ZNF831: variants seen among roughly 807,000 people sequenced by gnomAD.
ZNF831 encodes chromosome 20 open reading frame 174.
A neutral mutation model predicts 95.8 loss-of-function variants in ZNF831; 59 were observed. The observed-to-expected ratio is 0.62, with a 90% CI of 0.50 to 0.77. ZNF831 has a LOEUF of 0.77. Among genes scored for constraint, ZNF831 ranks in the 30% least tolerant of loss-of-function variants. ZNF831 has a pLI of 0.00. For synonymous variants in ZNF831, 961 were observed against 925.5 expected (o/e 1.04, Z -0.70); for missense variants, 2,205 against 2,164.0 (o/e 1.02, Z -0.38).
intron 4 of ZNF831, among the ~76,000 whole-genome samples, chr20:59,215,501 G>A (rs1985618887): frequency 6.6e-6 from 1 of 152,250 alleles, no homozygotes; most frequent in African/African-American, 2.4e-5. Context: ...ACTAAACTCA[G>A]GAGGCACTTT....
intron 4 of ZNF831, among the ~76,000 whole-genome samples, chr20:59,249,617 A>G (rs1420433696): frequency 1.3e-5 from 2 of 152,134 alleles, no homozygotes; most frequent in African/African-American, 4.8e-5. Flanking sequence ...GTGCCATTAG[A>G]TTACCTGAGT....
intron 2 of ZNF831, among the ~76,000 whole-genome samples, chr20:59,156,362 C>T (rs1361237500): frequency 6.6e-6 from 1 of 151,972 alleles, no homozygotes; most frequent in Non-Finnish European, 1.5e-5. Flanking sequence ...CTTGTCTCTA[C>T]TAAAATAGAA....
In ZNF831 at chr20:59,223,383, A is replaced by G. The variant is rs992258213; in HGVS notation, c.4027+16327A>G. Among the ~76,000 whole-genome samples the G allele has an allele frequency of 6.6e-5, 10 of 152,308 alleles. No individual in the cohort carries two copies. In the South Asian group the frequency reaches 8.3e-4, roughly 13 times the overall value. On this transcript the variant is annotated intron_variant, in intron 4 of 5. Transcript: ENST00000371030. ...TCCTTCCTCTCCAGCTTGCAGACAC[A>G]CTGGTTCTCTTTCAGAACTAGCCAT...
At chr20:59,129,528 C>G (rs1979283468) in intron 1 of ZNF831, among the ~76,000 whole-genome samples, 2 of 152,138 alleles carry the variant, frequency 1.3e-5, no homozygotes, top group Non-Finnish European at 2.9e-5. Flanking sequence ...GAGGCTGAGG[C>G]AGGAGAATTG....
In ZNF831 at chr20:59,233,725, A is replaced by G. The variant is rs189826509; in HGVS notation, c.4028-19253A>G. Among the ~76,000 whole-genome samples the G allele has an allele frequency of 2.1e-3, 325 of 152,290 alleles. 1 individual carries two copies. The highest frequency in any genetic ancestry group is 7.5e-3 in the African/African-American group (310 of 41,558). On this transcript the variant is annotated intron_variant, in intron 4 of 5. Coordinates refer to ENST00000371030, the MANE Select transcript of ZNF831 (RefSeq NM_178457.3). ...TGAAAGTTTTATTTTTCAGACCTAC[A>G]TCACTCCTCTGCTTTATCCCAAACA...
intron 4 of ZNF831, among the ~76,000 whole-genome samples, chr20:59,216,898 T>C (rs1157221825): frequency 6.6e-6 from 1 of 151,822 alleles, no homozygotes; most frequent in Non-Finnish European, 1.5e-5. Flanking sequence ...AGAGTGGGTA[T>C]GAGGTGACTG....
intron 4 of ZNF831, among the ~76,000 whole-genome samples, chr20:59,225,170 G>A (rs1986350485): frequency 6.6e-6 from 1 of 151,940 alleles, no homozygotes; most frequent in Non-Finnish European, 1.5e-5. Flanking sequence ...ACATTTTTTG[G>A]TCAATTTTAA....
chr20:59,148,278 A>AG (rs771005186), intron 2 of ZNF831, among the ~76,000 whole-genome samples: 1 of 152,036 alleles, frequency 6.6e-6, no homozygotes, highest in Non-Finnish European at 1.5e-5. Context: ...CTCTCTGTTG[A>AG]GGGGGGATAT....
intron 2 of ZNF831, chr20:59,195,666 G>A (rs542775975): frequency 1.6e-6 from 1 of 633,118 alleles, no homozygotes; most frequent in South Asian, 7.0e-5. Context: ...ATCAAGCCCA[G>A]GCGGGGTTTC....
At chr20:59,172,459 T>C (rs939223537) in intron 1 of ZNF831, among the ~76,000 whole-genome samples, 1 of 152,188 alleles carries the variant, frequency 6.6e-6, no homozygotes, top group African/African-American at 2.4e-5. Flanking sequence ...TTTTCGGGGA[T>C]GCGGATGCTC....
intron 2 of ZNF831, among the ~76,000 whole-genome samples, chr20:59,155,941 A>C (rs544700264): frequency 6.6e-6 from 1 of 152,128 alleles, no homozygotes; most frequent in East Asian, 1.9e-4. Context: ...GCTCCCCCTC[A>C]TGCTCAACCG....
chr20:59,184,587 G>C (rs1982864706), intron 1 of ZNF831, among the ~76,000 whole-genome samples: 1 of 152,210 alleles, frequency 6.6e-6, no homozygotes, highest in African/African-American at 2.4e-5. Context: ...GAGTAACAGC[G>C]TAAGTGGTCC....
rs777734010 is a variant in ZNF831 at position 59,255,971 on chromosome 20, G to C, written c.*1228G>C. ...CCTTCCTCTCCCTCTCCTTCCACGG[G>C]AGAGGAGAAACTTAAAGAGGTTTAC... On this transcript the variant is annotated 3_prime_UTR_variant, in exon 6 of 6. Coordinates refer to ENST00000371030, the MANE Select transcript of ZNF831 (RefSeq NM_178457.3). 3 of 152,144 alleles carry C rather than the reference G, an allele frequency of 2.0e-5. No individual in the cohort carries two copies. The highest frequency in any genetic ancestry group is 2.9e-5 in the Non-Finnish European group (2 of 68,040). 9.4% of individuals were successfully genotyped at this position (152,144 alleles called of 1,614,324 possible). A position where few individuals can be genotyped will look rare whatever the true frequency, so the allele number is the denominator to read the frequency against.
At chr20:59,209,041 G>A (rs571087118) in intron 4 of ZNF831, among the ~76,000 whole-genome samples, 256 of 152,314 alleles carry the variant, frequency 1.7e-3, no homozygotes, top group African/African-American at 5.9e-3. Context: ...CTCGATAAAT[G>A]TGGTACAGGA....
chr20:59,225,395 T>C (rs1196240499), intron 4 of ZNF831, among the ~76,000 whole-genome samples: 2 of 152,248 alleles, frequency 1.3e-5, no homozygotes, highest in African/African-American at 4.8e-5. Flanking sequence ...TATTTCTTCT[T>C]TGCTTCCAGT....
intron 1 of ZNF831, among the ~76,000 whole-genome samples, chr20:59,186,548 G>A (rs1043771290): frequency 1.3e-5 from 2 of 152,196 alleles, no homozygotes; most frequent in East Asian, 3.9e-4. Flanking sequence ...TTAGAGATGA[G>A]GAAACAGTCT....
chr20:59,223,099 C>T lies in ZNF831; in HGVS notation c.4027+16043C>T, dbSNP rs555491431. Among the ~76,000 whole-genome samples the T allele has an allele frequency of 2.0e-5, 3 of 152,096 alleles. No homozygotes were observed. The East Asian group carries it at 5.8e-4, about 29-fold the overall frequency. On this transcript the variant is annotated intron_variant, in intron 4 of 5. Coordinates refer to ENST00000371030, the MANE Select transcript of ZNF831 (RefSeq NM_178457.3). ...CGAAGAGGGGAGGCAGGAGCCCCAG[C>T]TGATAACAGGAGGAGGCAGGAAGGG... is the stretch of plus-strand genomic sequence containing the variant.
At chr20:59,177,187 T>C (rs1982234974) in intron 1 of ZNF831, among the ~76,000 whole-genome samples, 1 of 152,202 alleles carries the variant, frequency 6.6e-6, no homozygotes, top group Non-Finnish European at 1.5e-5. Context: ...ACAGCAGTAA[T>C]CAAGACAGGC....
At chr20:59,224,392 T>TGG (rs143355659) in intron 4 of ZNF831, among the ~76,000 whole-genome samples, 1 of 151,978 alleles carries the variant, frequency 6.6e-6, no homozygotes, top group African/African-American at 2.4e-5. Flanking sequence ...GAGCACTGGG[T>TGG]GGGGGGGCGC....
Sources: gnomAD v4.1 joint callset for allele counts (sites outside exome capture counted in the v4.1 genomes callset) on GRCh38, gnomAD v4.1.1 for gene constraint, MANE v1.5 for transcripts, NCBI Gene and HGNC (gene_info 2026-07-23, HGNC 2026-07-21) for gene names.